AKT3: variants seen among roughly 807,000 people sequenced by gnomAD.
The protein encoded by AKT3 is AKT serine/threonine kinase 3, also known as RAC-gamma serine/threonine-protein kinase.
Under a neutral mutation model 65.3 loss-of-function variants are expected in AKT3, and 15 were observed. The observed-to-expected ratio is 0.23, with a 90% CI of 0.15 to 0.35. AKT3 has a LOEUF of 0.35. Among genes scored for constraint, AKT3 ranks in the 10% least tolerant of loss-of-function variants. AKT3 has a pLI of 1.00. For synonymous variants in AKT3, 206 were observed against 183.8 expected (o/e 1.12, Z -0.98); for missense variants, 243 against 576.5 (o/e 0.42, Z 5.92).
At chr1:243,637,835 C>T (rs2147812830) in intron 5 of AKT3, 93 bp from the exon 6 acceptor site, 1 of 766,598 alleles carries the variant, frequency 1.3e-6, no homozygotes, top group East Asian at 3.1e-5. Context: ...CCACTCAAAA[C>T]CAAATTTTAC....
intron 2 of AKT3, among the ~76,000 whole-genome samples, chr1:243,819,462 C>A (rs537683315): frequency 2.6e-5 from 4 of 152,326 alleles, no homozygotes; most frequent in African/African-American, 9.6e-5. Context: ...TTAGCAACTC[C>A]AGCAGGGGTT....
rs540517003 is a variant in AKT3 at position 243,592,166 on chromosome 1, G to A, written c.697-19118C>T. On this transcript the variant is annotated intron_variant, in intron 8 of 13. Coordinates refer to ENST00000673466, the MANE Select transcript of AKT3 (RefSeq NM_005465.7). ...CTGGCTAACATGGTGAAACCCCGTC[G>A]CTACTAAAAATACAAAAAATTAGCT... Among the ~76,000 whole-genome samples, 20 of 151,530 alleles carry A rather than the reference G, an allele frequency of 1.3e-4. No homozygotes were observed. In the East Asian group the frequency reaches 3.7e-3, roughly 28 times the overall value.
intron 2 of AKT3, among the ~76,000 whole-genome samples, chr1:243,723,896 G>C (rs903966820): frequency 1.3e-5 from 2 of 152,202 alleles, no homozygotes; most frequent in East Asian, 3.8e-4. Context: ...TCCAGCCTGA[G>C]AGACAGAGTA....
chr1:243,601,349 T>A (rs1406122301), intron 8 of AKT3, among the ~76,000 whole-genome samples: 4 of 152,124 alleles, frequency 2.6e-5, no homozygotes, highest in Admixed American at 2.6e-4. Context: ...AGAAGTTCAA[T>A]ATCATTAGTT....
At position 243,780,925 on chromosome 1, in the gene AKT3, T is replaced by C. The variant is rs556920549; in HGVS notation, c.46+62200A>G. 1.4e-3 allele frequency among the ~76,000 whole-genome samples: 220 copies of C among 152,122 alleles called. 9 individuals carry two copies. In the South Asian group the frequency reaches 0.045, roughly 31 times the overall value. ...TGTTTAAAAAAATAAGTAAATAAACTTATGCCTAGGGAAAAAAACAAACAC... is the reference window on the plus strand; with the variant it reads ...TGTTTAAAAAAATAAGTAAATAAACCTATGCCTAGGGAAAAAAACAAACAC... On this transcript the variant is annotated intron_variant, in intron 2 of 13. Coordinates refer to ENST00000673466, the MANE Select transcript of AKT3 (RefSeq NM_005465.7).
At chr1:243,757,732 A>G (rs1428250117) in intron 2 of AKT3, among the ~76,000 whole-genome samples, 1 of 151,990 alleles carries the variant, frequency 6.6e-6, no homozygotes, top group Non-Finnish European at 1.5e-5. Flanking sequence ...TGCAGTCTCT[A>G]CTTACTTTTT....
At chr1:243,594,453 T>TC (rs1163879430) in intron 8 of AKT3, among the ~76,000 whole-genome samples, 1 of 152,234 alleles carries the variant, frequency 6.6e-6, no homozygotes, top group African/African-American at 2.4e-5. Flanking sequence ...ACAAAGTTTT[T>TC]CTCTATTTCA....
chr1:243,629,555 G>A (rs1679443851), intron 6 of AKT3, among the ~76,000 whole-genome samples: 1 of 152,122 alleles, frequency 6.6e-6, no homozygotes, highest in African/African-American at 2.4e-5. Flanking sequence ...CACTTTGGGA[G>A]GCCAAGGCGG....
intron 2 of AKT3, among the ~76,000 whole-genome samples, chr1:243,707,984 T>C (rs1685911912): frequency 6.6e-6 from 1 of 152,084 alleles, no homozygotes; most frequent in Non-Finnish European, 1.5e-5. Context: ...ATGCTTCCAT[T>C]TTAATGAATA....
chr1:243,834,202 C>T (rs767580561), intron 2 of AKT3, among the ~76,000 whole-genome samples: 7 of 152,166 alleles, frequency 4.6e-5, no homozygotes, highest in African/African-American at 7.2e-5. Context: ...ATCATAAAGA[C>T]ACATGTACAC....
At chr1:243,585,306 T>C (rs1675712292) in intron 8 of AKT3, among the ~76,000 whole-genome samples, 1 of 151,966 alleles carries the variant, frequency 6.6e-6, no homozygotes, top group Admixed American at 6.6e-5. Flanking sequence ...ATAGCCATAT[T>C]TCCCTGCCCA....
chr1:243,692,424 T>C (rs970219257), intron 3 of AKT3, among the ~76,000 whole-genome samples: 1 of 152,044 alleles, frequency 6.6e-6, no homozygotes, highest in African/African-American at 2.4e-5. Flanking sequence ...CTCTTCATCA[T>C]CCCTAAACAT....
At chr1:243,694,181 T>C (rs1423200933) in intron 3 of AKT3, among the ~76,000 whole-genome samples, 4 of 152,122 alleles carry the variant, frequency 2.6e-5, no homozygotes, top group Non-Finnish European at 5.9e-5. Context: ...CCAATAACAT[T>C]TGCTGGTAAA....
chr1:243,612,109 ATTTTT>A (rs978297703), intron 8 of AKT3, among the ~76,000 whole-genome samples: 7 of 145,610 alleles, frequency 4.8e-5, no homozygotes, highest in Non-Finnish European at 1.1e-4. Context: ...TTGGGTTTTG[ATTTTT>A]TTTTTTTTAT....
intron 9 of AKT3, among the ~76,000 whole-genome samples, chr1:243,567,937 G>T (rs911268002): frequency 4.6e-5 from 7 of 152,136 alleles, no homozygotes; most frequent in African/African-American, 1.7e-4. Context: ...AGAAACACCT[G>T]TAAGTCTTTC....
intron 8 of AKT3, among the ~76,000 whole-genome samples, chr1:243,590,270 T>C (rs1014861027): frequency 5.3e-5 from 8 of 152,192 alleles, no homozygotes; most frequent in African/African-American, 1.9e-4. Context: ...AGGTAACTGA[T>C]AGGTGACAGA....
rs530494915 is a variant in AKT3 at position 243,642,473 on chromosome 1, T to C, written c.429+3420A>G. Among the ~76,000 whole-genome samples the C allele has an allele frequency of 1.3e-3, 193 of 151,836 alleles. 2 individuals carry two copies. Among genetic ancestry groups the C allele is most frequent in the Middle Eastern group, 0.01 (3 of 294 alleles). ...TACAGGCGCCCGCCACCACGCCTGG[T>C]TAATTTTTTGTATTTTTAGTAGAGA... is the stretch of plus-strand genomic sequence containing the variant. On this transcript the variant is annotated intron_variant, in intron 5 of 13. Transcript: ENST00000673466.
chr1:243,518,156 A>G (rs1670483496), intron 12 of AKT3, among the ~76,000 whole-genome samples: 1 of 152,200 alleles, frequency 6.6e-6, no homozygotes, highest in Non-Finnish European at 1.5e-5. Flanking sequence ...AATGAAAACT[A>G]CTTTTGCTTT....
intron 2 of AKT3, among the ~76,000 whole-genome samples, chr1:243,706,557 T>C (rs1158659982): frequency 6.6e-6 from 1 of 152,214 alleles, no homozygotes; most frequent in African/African-American, 2.4e-5. Context: ...TCTAGTAGTA[T>C]GGACCCTAAA....
Sources: allele counts gnomAD v4.1 joint callset (sites outside exome capture counted in the v4.1 genomes callset), GRCh38; gene constraint gnomAD v4.1.1; transcripts MANE v1.5; gene names NCBI Gene and HGNC (gene_info 2026-07-23, HGNC 2026-07-21).